The following TYW1B variants were observed in gnomAD, a reference collection of about 807,000 sequenced individuals.
TYW1B encodes the protein S-adenosyl-L-methionine-dependent tRNA 4-demethylwyosine synthase TYW1B.
Under a neutral mutation model 86.9 loss-of-function variants are expected in TYW1B, and 73 were observed. The observed-to-expected ratio is 0.84, with a 90% confidence interval of 0.70 to 1.02. TYW1B has a LOEUF of 1.02. Ranked by LOEUF, TYW1B falls within the 50% of genes least tolerant of loss-of-function variation. TYW1B has a pLI of 0.00. For missense variants in TYW1B, 637 were observed against 827.4 expected (o/e 0.77, Z 2.82); for synonymous variants, 248 against 292.8 (o/e 0.85, Z 1.56).
chr7:72,818,578 CAAAAAA>C (rs57325230), intron 2 of TYW1B, among the ~76,000 whole-genome samples: 11 of 38,426 alleles, frequency 2.9e-4, no homozygotes, highest in South Asian at 1.1e-3. Flanking sequence ...GACTCCATCT[CAAAAAA>C]AAAAAAAAAA....
At chr7:72,635,581 A>G (rs1554440629) in intron 11 of TYW1B, among the ~76,000 whole-genome samples, 1 of 152,200 alleles carries the variant, frequency 6.6e-6, no homozygotes. Context: ...AAAATCCTAC[A>G]GTGGAGCAAG....
At chr7:72,759,134 C>T (rs1787645426) in intron 7 of TYW1B, among the ~76,000 whole-genome samples, 1 of 152,134 alleles carries the variant, frequency 6.6e-6, no homozygotes, top group Non-Finnish European at 1.5e-5. Flanking sequence ...AGTTCGAGAC[C>T]AGCCTGAGCA....
chr7:72,774,817 C>A (rs62466875), intron 7 of TYW1B, among the ~76,000 whole-genome samples: 2 of 152,124 alleles, frequency 1.3e-5, no homozygotes, highest in South Asian at 4.2e-4. Flanking sequence ...AGATATGAAG[C>A]ATGCAAACAG....
intron 11 of TYW1B, among the ~76,000 whole-genome samples, chr7:72,669,234 T>C (rs1384169854): frequency 1.5e-5 from 2 of 132,938 alleles, no homozygotes; most frequent in African/African-American, 5.5e-5. Flanking sequence ...AACTTCCGCC[T>C]CCTGGGTTCA....
intron 7 of TYW1B, among the ~76,000 whole-genome samples, chr7:72,767,298 A>T (rs576187807): frequency 3.3e-5 from 5 of 152,058 alleles, no homozygotes; most frequent in African/African-American, 1.2e-4. Context: ...ATCCTCCTCA[A>T]TTTTTCCTTT....
chr7:72,797,792 G>T (rs1788329261), intron 6 of TYW1B, among the ~76,000 whole-genome samples: 1 of 152,084 alleles, frequency 6.6e-6, no homozygotes, highest in South Asian at 2.1e-4. Context: ...AGTCATTCCG[G>T]CAGAAAAGTA....
At chr7:72,820,728 T>C (rs1191855021) in intron 2 of TYW1B, among the ~76,000 whole-genome samples, 11 of 152,184 alleles carry the variant, frequency 7.2e-5, no homozygotes, top group Non-Finnish European at 1.5e-4. Flanking sequence ...AGGAGGGATC[T>C]GCCCCCAGGA....
chr7:72,755,967 A>G (rs1787579555), intron 7 of TYW1B, among the ~76,000 whole-genome samples: 2 of 152,164 alleles, frequency 1.3e-5, no homozygotes, highest in Admixed American at 6.5e-5. Flanking sequence ...AGAAAAATAA[A>G]GACAAAGGGA....
chr7:72,584,747 C>A (rs1190872869), intron 13 of TYW1B, among the ~76,000 whole-genome samples: 1 of 152,132 alleles, frequency 6.6e-6, no homozygotes, highest in Non-Finnish European at 1.5e-5. Context: ...TGAGCCACCG[C>A]ACCCGGCCTA....
intron 11 of TYW1B, among the ~76,000 whole-genome samples, chr7:72,678,047 G>C (rs1554447788): frequency 6.6e-6 from 1 of 152,102 alleles, no homozygotes; most frequent in East Asian, 1.9e-4. Flanking sequence ...CTAGCCCAAG[G>C]TGAAGGTAAT....
intron 7 of TYW1B, among the ~76,000 whole-genome samples, chr7:72,768,391 A>C (rs1180179371): frequency 6.6e-6 from 1 of 152,200 alleles, no homozygotes; most frequent in African/African-American, 2.4e-5. Flanking sequence ...GTTTGGGGAC[A>C]ATATGTTTAT....
intron 7 of TYW1B, among the ~76,000 whole-genome samples, chr7:72,766,299 T>C (rs1787767862): frequency 6.6e-6 from 1 of 152,218 alleles, no homozygotes; most frequent in African/African-American, 2.4e-5. Flanking sequence ...ATATTAAGTT[T>C]ACCTTTTATT....
At chr7:72,741,950 C>G (rs537137988) in intron 8 of TYW1B, among the ~76,000 whole-genome samples, 2 of 152,266 alleles carry the variant, frequency 1.3e-5, no homozygotes, top group African/African-American at 4.8e-5. Flanking sequence ...TGAGGGAGTT[C>G]ACTGCTAACA....
intron 9 of TYW1B, among the ~76,000 whole-genome samples, chr7:72,715,566 T>A (rs1460787066): frequency 6.6e-6 from 1 of 151,858 alleles, no homozygotes; most frequent in Non-Finnish European, 1.5e-5. Flanking sequence ...TAGAGGGGAA[T>A]GACACACACT....
intron 12 of TYW1B, among the ~76,000 whole-genome samples, chr7:72,617,166 T>C (rs1237370137): frequency 2.0e-5 from 3 of 152,186 alleles, no homozygotes; most frequent in Non-Finnish European, 4.4e-5. Context: ...GATTCATCTG[T>C]GCACTATAAT....
chr7:72,792,544 A>C (rs1279007661), intron 6 of TYW1B, among the ~76,000 whole-genome samples: 1 of 152,198 alleles, frequency 6.6e-6, no homozygotes, highest in African/African-American at 2.4e-5. Flanking sequence ...TGGAAACAGA[A>C]GGGAAACTTT....
chr7:72,621,579 C>T (rs1451553640), intron 12 of TYW1B, among the ~76,000 whole-genome samples: 1 of 152,232 alleles, frequency 6.6e-6, no homozygotes, highest in African/African-American at 2.4e-5. Flanking sequence ...AACCTCTACG[C>T]TATCTGACCC....
chr7:72,666,234 C>T (rs1813457943), intron 11 of TYW1B, among the ~76,000 whole-genome samples: 1 of 151,806 alleles, frequency 6.6e-6, no homozygotes, highest in Admixed American at 6.6e-5. Context: ...GGCAACATGG[C>T]AAAACTCTGT....
intron 6 of TYW1B, among the ~76,000 whole-genome samples, chr7:72,794,372 A>G (rs1788270910): frequency 6.6e-6 from 1 of 152,116 alleles, no homozygotes; most frequent in Non-Finnish European, 1.5e-5. Context: ...CCTGGCCAAC[A>G]TGGTGAAACC....
Sources: allele counts gnomAD v4.1 joint callset (sites outside exome capture counted in the v4.1 genomes callset), GRCh38; gene constraint gnomAD v4.1.1; transcripts MANE v1.5; gene names NCBI Gene and HGNC (gene_info 2026-07-23, HGNC 2026-07-21).